The following MID2 variants were observed in gnomAD, a reference collection of about 807,000 sequenced individuals.
MID2 encodes midline 2, also known as probable E3 ubiquitin-protein ligase MID2.
MID2 carries 13 observed loss-of-function variants against 46.1 expected under a neutral mutation model. The ratio of observed to expected loss-of-function variants is 0.28; its 90% CI spans 0.18 to 0.45. MID2 has a LOEUF of 0.45. MID2 is among the 20% of genes least tolerant of loss of function. The pLI, the probability that MID2 is intolerant of heterozygous loss-of-function variation, is 1.00. For synonymous variants in MID2, 199 were observed against 212.3 expected, an observed-to-expected ratio of 0.94 and a Z score of 0.55; for missense variants, 431 against 575.4, an observed-to-expected ratio of 0.75 and a Z score of 2.57.
intron 3 of MID2, among the ~76,000 whole-genome samples, chrX:107,882,419 A>G (rs1932340443): frequency 8.9e-6 from 1 of 112,070 alleles, no homozygotes; most frequent in Non-Finnish European, 1.9e-5. Flanking sequence ...TGAACAGGCA[A>G]CCTACAGAAT....
At chrX:107,832,732 G>A (rs768536016) in intron 1 of MID2, among the ~76,000 whole-genome samples, 2 of 111,790 alleles carry the variant, frequency 1.8e-5, no homozygotes, top group South Asian at 7.6e-4. Context: ...CAAATGTAAG[G>A]TGGCTATTAT....
intron 8 of MID2, 59 bp from the exon 9 acceptor site, chrX:107,926,035 T>G: frequency 1.1e-6 from 1 of 917,535 alleles, no homozygotes; most frequent in South Asian, 2.3e-5. Context: ...GTGGAAAAGG[T>G]AGAATTTTAA....
At chrX:107,871,811 A>G (rs73529350) in intron 3 of MID2, among the ~76,000 whole-genome samples, 2,087 of 111,123 alleles carry the variant, frequency 0.019, 50 homozygotes, top group African/African-American at 0.064. Flanking sequence ...ATAGTCCCCA[A>G]TGTCCAGCTG....
intron 2 of MID2, among the ~76,000 whole-genome samples, chrX:107,846,546 T>C (rs1424507181): frequency 1.8e-5 from 2 of 111,364 alleles, no homozygotes; most frequent in Non-Finnish European, 3.8e-5. Context: ...ACAATATGTG[T>C]AAATCTGTAC....
chrX:107,866,704 C>A (rs1378764301), intron 3 of MID2, among the ~76,000 whole-genome samples: 1 of 112,217 alleles, frequency 8.9e-6, no homozygotes, highest in African/African-American at 3.2e-5. Flanking sequence ...GAAAGCAGAG[C>A]TAACAGTATG....
chrX:107,827,448 T>G (rs1930981823), intron 1 of MID2, among the ~76,000 whole-genome samples: 1 of 111,181 alleles, frequency 9.0e-6, no homozygotes, highest in African/African-American at 3.3e-5. Context: ...TTTGAGGATT[T>G]CTGAGTGTGG....
intron 1 of MID2, among the ~76,000 whole-genome samples, chrX:107,837,894 C>T (rs1369975678): frequency 8.9e-6 from 1 of 112,047 alleles, no homozygotes; most frequent in African/African-American, 3.2e-5. Flanking sequence ...AATGCTAGAC[C>T]CCTTCTTACT....
chrX:107,889,877 A>G (rs956813546), intron 3 of MID2, among the ~76,000 whole-genome samples: 18 of 110,839 alleles, frequency 1.6e-4, no homozygotes, highest in Admixed American at 9.6e-4. Context: ...TTCATCTTCC[A>G]TCACTGACAC....
rs187824377 is a variant in MID2 at position 107,827,121 on chromosome X, G to C, written c.4+691G>C. ...CCTTGTAAGAATTAAGTAAATAACG[G>C]CGGAGTAGATTTACAGAAACATTAC... is the stretch of plus-strand genomic sequence containing the variant. On this transcript the variant is annotated intron_variant, in intron 1 of 9. Coordinates refer to ENST00000262843, the MANE Select transcript of MID2 (RefSeq NM_012216.4). Among the ~76,000 whole-genome samples, 45 of 112,643 alleles carry C rather than the reference G, an allele frequency of 4.0e-4. 1 individual carries two copies. Among genetic ancestry groups the C allele is most frequent in the African/African-American group, 1.4e-3 (43 of 31,084 alleles).
At chrX:107,830,761 G>C (rs1193093336) in intron 1 of MID2, among the ~76,000 whole-genome samples, 2 of 111,811 alleles carry the variant, frequency 1.8e-5, no homozygotes, top group Non-Finnish European at 3.8e-5. Context: ...GAGTGGTGTT[G>C]AGACAAGAAA....
At chrX:107,905,416 A>G in intron 4 of MID2, 62 bp from the exon 5 acceptor site, 1 of 951,690 alleles carries the variant, frequency 1.1e-6, no homozygotes. Flanking sequence ...GTTGTTTTTT[A>G]TTGTTTTTAA....
At chrX:107,864,736 C>T (rs1209895424) in intron 3 of MID2, among the ~76,000 whole-genome samples, 1 of 111,697 alleles carries the variant, frequency 9.0e-6, no homozygotes, top group Non-Finnish European at 1.9e-5. Flanking sequence ...ATATAGATTT[C>T]CTCAAAAAAG....
chrX:107,839,891 A>G (rs1268817701), intron 1 of MID2, among the ~76,000 whole-genome samples: 2 of 112,329 alleles, frequency 1.8e-5, no homozygotes, highest in East Asian at 5.6e-4. Context: ...ATATGACTTT[A>G]TTATTGATCA....
intron 3 of MID2, among the ~76,000 whole-genome samples, chrX:107,892,984 T>C (rs1422113107): frequency 8.9e-6 from 1 of 112,947 alleles, no homozygotes; most frequent in East Asian, 2.8e-4. Context: ...CGTGTATTGC[T>C]AAGTGCTTAC....
intron 5 of MID2, among the ~76,000 whole-genome samples, chrX:107,912,731 T>C (rs767989875): frequency 9.0e-6 from 1 of 111,301 alleles, no homozygotes; most frequent in Non-Finnish European, 1.9e-5. Flanking sequence ...GATTCCCAAC[T>C]CTTTATCTGA....
intron 5 of MID2, among the ~76,000 whole-genome samples, chrX:107,912,213 A>C (rs1319374711): frequency 2.7e-5 from 3 of 111,793 alleles, no homozygotes; most frequent in Non-Finnish European, 1.9e-5. Context: ...ACTTGTTGGC[A>C]TCTCTTTTCC....
intron 2 of MID2, among the ~76,000 whole-genome samples, chrX:107,848,377 T>A (rs139635650): frequency 3.9e-4 from 43 of 111,670 alleles, no homozygotes; most frequent in Non-Finnish European, 7.3e-4. Context: ...CAGGTTTACT[T>A]TTAGAATGTC....
chrX:107,896,138 G>C (rs1358756110), intron 3 of MID2: 3 of 111,586 alleles, frequency 2.7e-5, no homozygotes, highest in Non-Finnish European at 3.8e-5. Flanking sequence ...CTTGAGGTCA[G>C]GTGTTCGAGA....
At chrX:107,877,259 T>C (rs1306356131) in intron 3 of MID2, among the ~76,000 whole-genome samples, 1 of 112,094 alleles carries the variant, frequency 8.9e-6, no homozygotes, top group African/African-American at 3.2e-5. Flanking sequence ...AATGGTTCCT[T>C]CCTGAGGCCA....
Sources: allele counts gnomAD v4.1 joint callset (sites outside exome capture counted in the v4.1 genomes callset), GRCh38; gene constraint gnomAD v4.1.1; transcripts MANE v1.5; gene names NCBI Gene and HGNC (gene_info 2026-07-23, HGNC 2026-07-21).